The following DYNC2I1 variants were observed in gnomAD, a reference collection of about 807,000 sequenced individuals.
DYNC2I1 encodes the protein cytoplasmic dynein 2 intermediate chain 1.
DYNC2I1 carries 89 observed loss-of-function variants against 133.4 expected under a neutral mutation model. The observed-to-expected ratio is 0.67, with a 90% confidence interval of 0.56 to 0.80. The LOEUF (loss-of-function observed/expected upper bound fraction) is 0.80, where lower values mean the gene tolerates loss of function less well. DYNC2I1 is among the 30% of genes least tolerant of loss of function. DYNC2I1 has a pLI of 0.00. For missense variants in DYNC2I1, 1,291 were observed against 1,314.5 expected, an observed-to-expected ratio of 0.98 and a Z score of 0.28; for synonymous variants, 504 against 484.3, an observed-to-expected ratio of 1.04 and a Z score of -0.54.
chr7:158,865,792 AAAGGCCTT>A (rs1445871454), intron 1 of DYNC2I1, among the ~76,000 whole-genome samples: 1 of 152,124 alleles, frequency 6.6e-6, no homozygotes. Context: ...TTGGTCTTTA[AAAGGCCTT>A]GGCAGAAGCA....
At chr7:158,958,002 TACTC>T (rs1315710198), downstream of DYNC2I1, among the ~76,000 whole-genome samples, 1 of 152,156 alleles carries the variant, frequency 6.6e-6, no homozygotes, top group Non-Finnish European at 1.5e-5. Flanking sequence ...TGCCTCAATT[TACTC>T]ACTATCTGCC....
chr7:158,926,358 C>T (rs372662674), intron 18 of DYNC2I1, 44 bp from the exon 19 acceptor site: 1 of 1,602,314 alleles, frequency 6.2e-7, no homozygotes, highest in South Asian at 1.1e-5. Context: ...ATATGGTTTC[C>T]TTATTTAAAG....
intron 23 of DYNC2I1, among the ~76,000 whole-genome samples, chr7:158,936,704 A>T (rs1013088156): frequency 6.6e-6 from 1 of 152,218 alleles, no homozygotes; most frequent in African/African-American, 2.4e-5. Context: ...GGCCGCTCAT[A>T]GCACCATGCT....
At chr7:158,933,031 C>T (rs936983111) in intron 21 of DYNC2I1, among the ~76,000 whole-genome samples, 2 of 151,998 alleles carry the variant, frequency 1.3e-5, no homozygotes, top group Non-Finnish European at 1.5e-5. Flanking sequence ...CTAGGGGCCT[C>T]CATAGCAGAA....
At chr7:158,898,858 C>T (rs1845973580) in intron 8 of DYNC2I1, among the ~76,000 whole-genome samples, 2 of 150,572 alleles carry the variant, frequency 1.3e-5, no homozygotes, top group Non-Finnish European at 3.0e-5. Context: ...CTTAGCATAT[C>T]AGTTAAAGGT....
chr7:158,905,183 C>T (rs267601442), intron 10 of DYNC2I1: 7 of 388,622 alleles, frequency 1.8e-5, no homozygotes, highest in Admixed American at 6.6e-5. Context: ...CTATGTCTCC[C>T]GTGCTGGAGT....
chr7:158,840,636 T>A, the DYNC2I1 span, among the ~76,000 whole-genome samples: 3 of 152,174 alleles, frequency 2.0e-5, no homozygotes, highest in Non-Finnish European at 4.4e-5. Context: ...TATAGTCTAG[T>A]TAGGGAGATG....
intron 7 of DYNC2I1, among the ~76,000 whole-genome samples, chr7:158,888,688 T>A (rs772080178): frequency 1.8e-4 from 27 of 152,078 alleles, no homozygotes; most frequent in Non-Finnish European, 4.0e-4. Context: ...CAGGCTGATC[T>A]TGAACTCCTG....
At position 158,883,392 on chromosome 7, in the gene DYNC2I1, T is replaced by G. The variant is rs866212045; in HGVS notation, c.880-1172T>G. Reference sequence around the variant, plus strand: ...ATCTGGCTTATTATTATTTTTTTTTTTTTTGTATTTTTAGTAGAGTTTCGC... The same window carrying G: ...ATCTGGCTTATTATTATTTTTTTTTGTTTTGTATTTTTAGTAGAGTTTCGC... On this transcript the variant is annotated intron_variant, in intron 5 of 24. Coordinates refer to ENST00000407559, the MANE Select transcript of DYNC2I1 (RefSeq NM_018051.5). Among the ~76,000 whole-genome samples, 157 of 150,390 alleles carry G rather than the reference T, an allele frequency of 1.0e-3. 1 individual carries two copies. Among genetic ancestry groups the G allele is most frequent in the African/African-American group, 3.6e-3 (150 of 41,120 alleles).
chr7:158,917,214 GA>G (rs1848477491), intron 14 of DYNC2I1, among the ~76,000 whole-genome samples: 5 of 144,892 alleles, frequency 3.5e-5, no homozygotes, highest in African/African-American at 5.3e-5. Flanking sequence ...CACGCTGGTT[GA>G]GATTAAGGAT....
chr7:158,893,156 A>C (rs1028064457), intron 8 of DYNC2I1, among the ~76,000 whole-genome samples: 3 of 152,074 alleles, frequency 2.0e-5, no homozygotes, highest in African/African-American at 7.2e-5. Flanking sequence ...GTTTGGACAA[A>C]TGGGTCATGA....
At chr7:158,913,316 C>T (rs1014709392) in intron 13 of DYNC2I1, among the ~76,000 whole-genome samples, 27 of 152,156 alleles carry the variant, frequency 1.8e-4, no homozygotes, top group Non-Finnish European at 7.3e-5. Context: ...CTCTCGAGGC[C>T]CAGTCTGTGC....
intron 14 of DYNC2I1, 71 bp from the exon 15 acceptor site, chr7:158,918,669 G>C (rs755653548): frequency 7.3e-5 from 115 of 1,573,630 alleles, no homozygotes; most frequent in Non-Finnish European, 9.6e-5. Context: ...AAGATGAAAA[G>C]GTAATTTTTT....
At chr7:158,909,468 A>G (rs1847170330) in intron 11 of DYNC2I1, among the ~76,000 whole-genome samples, 1 of 152,122 alleles carries the variant, frequency 6.6e-6, no homozygotes, top group Admixed American at 6.6e-5. Context: ...TATCAAAACG[A>G]TGGATACTCT....
At chr7:158,869,944 A>G in intron 2 of DYNC2I1, 36 bp downstream of exon 2, 1 of 1,591,302 alleles carries the variant, frequency 6.3e-7, no homozygotes, top group Non-Finnish European at 8.6e-7. Flanking sequence ...GGATCTGTGC[A>G]GGACTCGTGT....
chr7:158,855,442 G>A (rs992506552), upstream of DYNC2I1, among the ~76,000 whole-genome samples: 7 of 152,170 alleles, frequency 4.6e-5, no homozygotes. Context: ...TTTAGGGAGG[G>A]TCAGAATATT....
chr7:158,918,191 C>G (rs1422721539), intron 14 of DYNC2I1, among the ~76,000 whole-genome samples: 1 of 152,220 alleles, frequency 6.6e-6, no homozygotes, highest in Non-Finnish European at 1.5e-5. Flanking sequence ...CTTCCTCGCA[C>G]AAATCCTGTT....
chr7:158,885,926 T>C (rs1039984946), intron 6 of DYNC2I1, among the ~76,000 whole-genome samples: 46 of 151,952 alleles, frequency 3.0e-4, no homozygotes, highest in African/African-American at 1.0e-3. Context: ...AGTTTGATAT[T>C]TTGCAAATCT....
chr7:158,913,919 A>G (rs1847745809), intron 13 of DYNC2I1, among the ~76,000 whole-genome samples: 1 of 152,180 alleles, frequency 6.6e-6, no homozygotes, highest in African/African-American at 2.4e-5. Flanking sequence ...CATGTTGGCC[A>G]GGCTGGTCTT....
Sources: gnomAD v4.1 joint callset for allele counts (sites outside exome capture counted in the v4.1 genomes callset) on GRCh38, gnomAD v4.1.1 for gene constraint, MANE v1.5 for transcripts, NCBI Gene and HGNC (gene_info 2026-07-23, HGNC 2026-07-21) for gene names.